Variants in BICD1 observed in about 807,000 individuals in gnomAD.
The protein encoded by BICD1 is protein bicaudal D homolog 1.
A neutral mutation model predicts 92.5 loss-of-function variants in BICD1; 35 were observed. The observed-to-expected ratio is 0.38, with a 90% CI of 0.29 to 0.50. The LOEUF is 0.50. BICD1 is among the 20% of genes least tolerant of loss of function. The probability of loss-of-function intolerance (pLI) is 0.93; values close to 1 mark genes in which losing one functional copy is unlikely to be tolerated. For synonymous variants in BICD1, 429 were observed against 465.1 expected, an observed-to-expected ratio of 0.92 and a Z score of 1.00; for missense variants, 950 against 1,189.8, an observed-to-expected ratio of 0.80 and a Z score of 2.97.
chr12:32,267,631 T>C (rs1264747761), intron 2 of BICD1, among the ~76,000 whole-genome samples: 1 of 151,404 alleles, frequency 6.6e-6, no homozygotes, highest in Non-Finnish European at 1.5e-5. Flanking sequence ...ATTTTTTTGT[T>C]TCTTATTTAA....
intron 2 of BICD1, among the ~76,000 whole-genome samples, chr12:32,240,791 A>G (rs1946214939): frequency 6.6e-6 from 1 of 152,244 alleles, no homozygotes; most frequent in African/African-American, 2.4e-5. Flanking sequence ...ATAAGAAAGA[A>G]GAGTAAAAGA....
intron 4 of BICD1, among the ~76,000 whole-genome samples, chr12:32,309,276 A>G (rs1314825540): frequency 6.6e-6 from 1 of 152,206 alleles, no homozygotes; most frequent in Non-Finnish European, 1.5e-5. Flanking sequence ...GTGCACCTGA[A>G]GCATATATGT....
Position 32,306,159 on chromosome 12 carries a change from T to C in BICD1, c.1005+37T>C. On this transcript the variant is annotated intron_variant, in intron 4 of 9. Coordinates refer to ENST00000652176, the MANE Select transcript of BICD1 (RefSeq NM_001714.4). ...GTTTAGGGCCGCTAGAGTGAATTTC[T>C]TGTAGATTGCAGGTAGCATGTTGTG... is the stretch of plus-strand genomic sequence containing the variant. 3 of 1,515,300 alleles carry C rather than the reference T, an allele frequency of 2.0e-6. No individual in the cohort carries two copies. The South Asian group carries it at 4.0e-5, about 20-fold the overall frequency. 93.9% of individuals were successfully genotyped at this position (1,515,300 alleles called of 1,614,324 possible).
intron 1 of BICD1, among the ~76,000 whole-genome samples, chr12:32,152,076 A>G (rs1186825381): frequency 6.6e-6 from 1 of 150,692 alleles, no homozygotes; most frequent in South Asian, 2.1e-4. Context: ...CCTGCCTCAG[A>G]CTCCTGAGTA....
intron 1 of BICD1, among the ~76,000 whole-genome samples, chr12:32,192,805 A>T (rs149795207): frequency 6.6e-6 from 1 of 152,226 alleles, no homozygotes; most frequent in Non-Finnish European, 1.5e-5. Flanking sequence ...GGGGTTCAAG[A>T]CTTCAGTGGA....
intron 1 of BICD1, among the ~76,000 whole-genome samples, chr12:32,138,074 C>T (rs1000118329): frequency 3.3e-5 from 5 of 152,180 alleles, no homozygotes; most frequent in Non-Finnish European, 7.3e-5. Context: ...GCTGAGATTA[C>T]AGGCGTGAGC....
chr12:32,306,797 C>T (rs1399650713), intron 4 of BICD1, among the ~76,000 whole-genome samples: 1 of 151,476 alleles, frequency 6.6e-6, no homozygotes, highest in African/African-American at 2.4e-5. Flanking sequence ...GGCGGATCAC[C>T]TGAAGTCAGG....
At chr12:32,362,860 A>G (rs997340406) in intron 8 of BICD1, among the ~76,000 whole-genome samples, 8 of 152,172 alleles carry the variant, frequency 5.3e-5, no homozygotes, top group Admixed American at 5.2e-4. Context: ...GATTTTAAAA[A>G]GAAGTTAAAG....
intron 1 of BICD1, among the ~76,000 whole-genome samples, chr12:32,120,291 A>T (rs1282052131): frequency 6.6e-6 from 1 of 152,210 alleles, no homozygotes; most frequent in Non-Finnish European, 1.5e-5. Context: ...ACTACTCTCA[A>T]ATGTAATATT....
chr12:32,319,998 T>G (rs778889525), intron 4 of BICD1, among the ~76,000 whole-genome samples: 5 of 152,204 alleles, frequency 3.3e-5, no homozygotes, highest in Admixed American at 6.5e-5. Context: ...AGTAGACACT[T>G]TTAACAACTG....
chr12:32,206,810 T>C (rs1489086753), intron 1 of BICD1, among the ~76,000 whole-genome samples: 1 of 152,144 alleles, frequency 6.6e-6, no homozygotes, highest in Non-Finnish European at 1.5e-5. Context: ...CAATGAAAAC[T>C]ACATTGATGT....
chr12:32,278,622 G>A lies in BICD1; in HGVS notation c.427-15372G>A, dbSNP rs559384139. 3.0e-4 allele frequency among the ~76,000 whole-genome samples: 46 copies of A among 152,286 alleles called. No individual in the cohort carries two copies. The South Asian group carries it at 8.5e-3, about 28-fold the overall frequency. ...TAATCCCAGCACTTTCGGAGGCCGC[G>A]GCCGGCGGATCACGAGGTCAGGAGA... On this transcript the variant is annotated intron_variant, in intron 2 of 9. Transcript: ENST00000652176.
At chr12:32,282,199 CTTCTTTTTTTTT>C (rs1476591846) in intron 2 of BICD1, among the ~76,000 whole-genome samples, 12 of 68,992 alleles carry the variant, frequency 1.7e-4, no homozygotes, top group South Asian at 5.4e-4. Flanking sequence ...TTCAGGTCTT[CTTCTTTTTTTTT>C]TTTTTTTTTT....
intron 1 of BICD1, among the ~76,000 whole-genome samples, chr12:32,170,835 T>C (rs1162682568): frequency 6.6e-6 from 1 of 152,012 alleles, no homozygotes; most frequent in African/African-American, 2.4e-5. Flanking sequence ...GGGATGGAGG[T>C]CAGGAAAGCT....
chr12:32,351,487 CAAAAAAAAAAAAA>C (rs35002678), intron 8 of BICD1, among the ~76,000 whole-genome samples: 2 of 57,226 alleles, frequency 3.5e-5, no homozygotes, highest in African/African-American at 7.5e-5. Context: ...GACTCTGTCT[CAAAAAAAAAAAAA>C]AAAAAAAAAA....
chr12:32,247,576 C>G (rs950602233), intron 2 of BICD1, among the ~76,000 whole-genome samples: 14 of 151,852 alleles, frequency 9.2e-5, no homozygotes, highest in African/African-American at 3.1e-4. Context: ...GTCAGGAGTT[C>G]AAGACCAGCC....
chr12:32,272,943 T>C (rs1947181580), intron 2 of BICD1, among the ~76,000 whole-genome samples: 1 of 152,158 alleles, frequency 6.6e-6, no homozygotes, highest in Non-Finnish European at 1.5e-5. Flanking sequence ...AGGACTTTAT[T>C]TGGTTTTAAA....
In BICD1 at chr12:32,138,739, A is replaced by G. The variant is rs777690828; in HGVS notation, c.213+31195A>G. On this transcript the variant is annotated intron_variant, in intron 1 of 9. Coordinates refer to ENST00000652176, the MANE Select transcript of BICD1 (RefSeq NM_001714.4). The stretch of plus-strand genomic sequence containing the variant: ...TGAGGCTAAGTAAGCTGTATTTGAT[A>G]GGTTAGGCGTATTAAATGTATTTTT... 2.1e-4 allele frequency among the ~76,000 whole-genome samples: 32 copies of G among 152,328 alleles called. 1 individual carries two copies. In the Middle Eastern group the frequency reaches 0.027, roughly 130 times the overall value.
intron 9 of BICD1, 85 bp downstream of exon 9, chr12:32,367,830 T>C: frequency 8.4e-7 from 1 of 1,196,958 alleles, no homozygotes; most frequent in Non-Finnish European, 1.2e-6. Context: ...CTGAACTGCC[T>C]ACGCATCATT....
Sources: gnomAD v4.1 joint callset for allele counts (sites outside exome capture counted in the v4.1 genomes callset) on GRCh38, gnomAD v4.1.1 for gene constraint, MANE v1.5 for transcripts, NCBI Gene and HGNC (gene_info 2026-07-23, HGNC 2026-07-21) for gene names.